The following DNM3 variants were observed in gnomAD, a reference collection of about 807,000 sequenced individuals.
DNM3 encodes the protein dynamin-3.
In DNM3, 47 loss-of-function variants were observed where a neutral mutation model predicts 101.6. That is an observed-to-expected ratio of 0.46 (90% CI 0.37 to 0.59). The LOEUF is 0.59. Ranked by LOEUF, DNM3 falls within the 20% of genes least tolerant of loss-of-function variation. DNM3 has a pLI of 0.00. For missense variants in DNM3, 849 were observed against 1,085.7 expected (o/e 0.78, Z 3.06); for synonymous variants, 385 against 387.9 (o/e 0.99, Z 0.09).
chr1:172,117,375 A>T (rs2055987056), intron 13 of DNM3, among the ~76,000 whole-genome samples: 1 of 152,136 alleles, frequency 6.6e-6, no homozygotes, highest in Non-Finnish European at 1.5e-5. Flanking sequence ...ATCTCTCAGA[A>T]TTCCCACGTG....
At chr1:172,023,032 T>C (rs1186367794) in intron 4 of DNM3, among the ~76,000 whole-genome samples, 1 of 152,190 alleles carries the variant, frequency 6.6e-6, no homozygotes, top group African/African-American at 2.4e-5. Flanking sequence ...TTTGTTTGCA[T>C]AGTTTTCTGT....
intron 14 of DNM3, among the ~76,000 whole-genome samples, chr1:172,164,415 G>A (rs910239650): frequency 2.6e-5 from 4 of 151,600 alleles, no homozygotes; most frequent in African/African-American, 9.7e-5. Context: ...TGCTGAGGAT[G>A]CAATAATGGC....
intron 1 of DNM3, among the ~76,000 whole-genome samples, chr1:171,877,635 A>G (rs1000771153): frequency 1.3e-5 from 2 of 152,244 alleles, no homozygotes; most frequent in African/African-American, 4.8e-5. Context: ...TATAAACTAA[A>G]TAATCAAATT....
intron 17 of DNM3, among the ~76,000 whole-genome samples, chr1:172,354,331 G>T (rs1038489879): frequency 4.6e-5 from 7 of 152,038 alleles, no homozygotes; most frequent in Non-Finnish European, 8.8e-5. Flanking sequence ...AGTGAGAGGG[G>T]TTCCTGTTAA....
At chr1:172,148,359 A>G (rs998586788) in intron 14 of DNM3, among the ~76,000 whole-genome samples, 2 of 151,866 alleles carry the variant, frequency 1.3e-5, no homozygotes, top group Admixed American at 1.3e-4. Context: ...AGAATGAGTA[A>G]AGAGCTATAT....
intron 1 of DNM3, among the ~76,000 whole-genome samples, chr1:171,858,576 G>A (rs2033852725): frequency 6.6e-6 from 1 of 152,114 alleles, no homozygotes; most frequent in South Asian, 2.1e-4. Flanking sequence ...TTTACCTGAG[G>A]AACTTATGAA....
intron 15 of DNM3, among the ~76,000 whole-genome samples, chr1:172,305,798 T>C (rs1270686685): frequency 6.6e-6 from 1 of 152,188 alleles, no homozygotes; most frequent in East Asian, 1.9e-4. Flanking sequence ...ATTATCTCAA[T>C]AGATGCAGAA....
At chr1:172,306,857 A>G (rs1343231915) in intron 15 of DNM3, among the ~76,000 whole-genome samples, 1 of 152,176 alleles carries the variant, frequency 6.6e-6, no homozygotes, top group African/African-American at 2.4e-5. Context: ...CCTTCCTTAC[A>G]CCTTATAGAA....
intron 4 of DNM3, among the ~76,000 whole-genome samples, chr1:172,000,395 CAA>C (rs1010187896): frequency 2.0e-5 from 3 of 152,046 alleles, no homozygotes; most frequent in Non-Finnish European, 4.4e-5. Context: ...CTAAAGACGT[CAA>C]AGACAGAGCA....
At chr1:172,302,594 C>T (rs1436955466) in intron 15 of DNM3, among the ~76,000 whole-genome samples, 1 of 152,184 alleles carries the variant, frequency 6.6e-6, no homozygotes, top group Non-Finnish European at 1.5e-5. Flanking sequence ...CCCTGTGTAG[C>T]CTAACTGGGA....
At chr1:172,092,729 T>A (rs2053995143) in intron 12 of DNM3, 95 bp from the exon 13 acceptor site, 1 of 1,337,382 alleles carries the variant, frequency 7.5e-7, no homozygotes, top group African/African-American at 1.5e-5. Flanking sequence ...CCATTGATTT[T>A]TTTTTTAAAG....
intron 13 of DNM3, among the ~76,000 whole-genome samples, chr1:172,115,213 A>C (rs1311805982): frequency 4.6e-5 from 7 of 152,114 alleles, no homozygotes; most frequent in Admixed American, 4.6e-4. Context: ...AGGGCATGGC[A>C]TCTAGTCCTG....
chr1:171,979,460 G>A lies in DNM3; in HGVS notation c.236-8196G>A, dbSNP rs564599584. Among the ~76,000 whole-genome samples the A allele has an allele frequency of 1.7e-4, 26 of 152,262 alleles. 1 individual carries two copies. The highest frequency in any genetic ancestry group is 1.2e-4 in the African/African-American group (5 of 41,534). On this transcript the variant is annotated intron_variant, in intron 2 of 20. Transcript: ENST00000627582. ...AGTTTATCTCTTGATTGTGTTTTAC[G>A]TGGAAATAAACTATGAGTATAAAAT...
intron 1 of DNM3, among the ~76,000 whole-genome samples, chr1:171,887,670 G>A (rs1165642417): frequency 6.6e-6 from 1 of 151,566 alleles, no homozygotes; most frequent in East Asian, 1.9e-4. Flanking sequence ...CTTTCACGTG[G>A]TTCAAAAAAA....
chr1:172,145,420 TTC>T (rs889147461), intron 14 of DNM3, among the ~76,000 whole-genome samples: 5 of 141,234 alleles, frequency 3.5e-5, no homozygotes, highest in Non-Finnish European at 7.7e-5. Context: ...CTTTCTCTCC[TTC>T]TCTCTCTCCC....
At chr1:171,952,587 A>G (rs1571800681) in intron 2 of DNM3, among the ~76,000 whole-genome samples, 1 of 152,242 alleles carries the variant, frequency 6.6e-6, no homozygotes, top group East Asian at 1.9e-4. Flanking sequence ...GAGGGGATCC[A>G]TTTCAATCGG....
intron 15 of DNM3, among the ~76,000 whole-genome samples, chr1:172,295,949 T>C (rs1189223773): frequency 1.3e-5 from 2 of 152,186 alleles, no homozygotes; most frequent in African/African-American, 4.8e-5. Context: ...ACAAAAATAT[T>C]GTATTATATT....
intron 14 of DNM3, among the ~76,000 whole-genome samples, chr1:172,228,836 A>G (rs2061232362): frequency 6.6e-6 from 1 of 152,080 alleles, no homozygotes; most frequent in South Asian, 2.1e-4. Flanking sequence ...TAGATACCCT[A>G]CGTTCATTTA....
At chr1:171,974,442 G>T (rs896615013) in intron 2 of DNM3, among the ~76,000 whole-genome samples, 7 of 152,046 alleles carry the variant, frequency 4.6e-5, no homozygotes, top group Non-Finnish European at 1.0e-4. Flanking sequence ...CCTTTTGAGG[G>T]GCTCTCTCTT....
Sources: allele counts gnomAD v4.1 joint callset (sites outside exome capture counted in the v4.1 genomes callset), GRCh38; gene constraint gnomAD v4.1.1; transcripts MANE v1.5; gene names NCBI Gene and HGNC (gene_info 2026-07-23, HGNC 2026-07-21).